Variants in ADGRB1 observed in about 807,000 individuals in gnomAD.
ADGRB1 encodes the protein brain-specific angiogenesis inhibitor 1.
A neutral mutation model predicts 175.7 loss-of-function variants in ADGRB1; 36 were observed. The ratio of observed to expected loss-of-function variants is 0.20; its 90% CI spans 0.16 to 0.27. ADGRB1 has a LOEUF of 0.27. ADGRB1 is among the 10% of genes least tolerant of loss of function. The pLI is 1.00. For synonymous variants in ADGRB1, 1,054 were observed against 979.4 expected (o/e 1.08, Z -1.42); for missense variants, 1,731 against 2,255.3 (o/e 0.77, Z 4.71).
chr8:142,469,589 A>ATG (rs202096364), intron 2 of ADGRB1, among the ~76,000 whole-genome samples: 2 of 100,462 alleles, frequency 2.0e-5, no homozygotes, highest in Admixed American at 9.4e-5. Context: ...GCATGTGTGA[A>ATG]TGTGTGTGTG....
At chr8:142,495,924 CGGGTGGGTGGATGGATAGGT>C (rs1416205484) in intron 17 of ADGRB1, among the ~76,000 whole-genome samples, 1 of 2,676 alleles carries the variant, frequency 3.7e-4, no homozygotes, top group African/African-American at 1.3e-3. Context: ...AGTGGGTGGG[CGGGTGGGTGGATGGATAGGT>C]GGGTGGGTGG....
chr8:142,459,019 C>T (rs909148346), intron 1 of ADGRB1, among the ~76,000 whole-genome samples: 34 of 152,218 alleles, frequency 2.2e-4, no homozygotes, highest in Non-Finnish European at 4.4e-4. Flanking sequence ...CCAGCGCCCA[C>T]ACTGGTCCCC....
chr8:142,513,448 GC>G (rs772492721), intron 18 of ADGRB1, among the ~76,000 whole-genome samples: 4 of 152,212 alleles, frequency 2.6e-5, no homozygotes, highest in Non-Finnish European at 2.9e-5. Context: ...GCAAGGGCTG[GC>G]CCCCTTGATG....
At chr8:142,514,108 T>C (rs1312221489) in intron 18 of ADGRB1, among the ~76,000 whole-genome samples, 1 of 151,908 alleles carries the variant, frequency 6.6e-6, no homozygotes, top group Non-Finnish European at 1.5e-5. Flanking sequence ...TTAGCCTGGC[T>C]GGGGTTGGAT....
chr8:142,526,974 C>A (rs1185017098), intron 24 of ADGRB1, among the ~76,000 whole-genome samples: 1 of 152,182 alleles, frequency 6.6e-6, no homozygotes, highest in Non-Finnish European at 1.5e-5. Flanking sequence ...GCCCCCCACT[C>A]CCCTACCACA....
At position 142,544,530 on chromosome 8, in the gene ADGRB1, G is replaced by C; in HGVS notation, c.*113G>C. The C allele has an allele frequency of 8.0e-7, 1 of 1,249,156 alleles. No individual in the cohort carries two copies. Among genetic ancestry groups the C allele is most frequent in the South Asian group, 1.8e-5 (1 of 54,928 alleles). 77.4% of individuals were successfully genotyped at this position (1,249,156 alleles called of 1,614,324 possible). ...GGGCAGCGGGCCAGGCCCGCACCCC[G>C]GCCTCAGGGCGCTCAGACGGCGGCC... On this transcript the variant is annotated 3_prime_UTR_variant, in exon 31 of 31. Coordinates refer to ENST00000517894, the MANE Select transcript of ADGRB1 (RefSeq NM_001702.3).
At chr8:142,467,326 G>A (rs754607336) in intron 2 of ADGRB1, among the ~76,000 whole-genome samples, 22 of 152,216 alleles carry the variant, frequency 1.4e-4, no homozygotes, top group Non-Finnish European at 1.6e-4. Context: ...GCTGGCAGCC[G>A]GTGCCGGCAT....
intron 24 of ADGRB1, among the ~76,000 whole-genome samples, chr8:142,527,440 C>G (rs1458356746): frequency 6.6e-6 from 1 of 152,188 alleles, no homozygotes; most frequent in East Asian, 1.9e-4. Context: ...CCTGCTGTCC[C>G]CAGTGAACAG....
Position 142,464,088 on chromosome 8 carries a change from C to T in ADGRB1, c.-111C>T. On this transcript the variant is annotated 5_prime_UTR_variant, in exon 2 of 31. Coordinates refer to ENST00000517894, the MANE Select transcript of ADGRB1 (RefSeq NM_001702.3). Reference sequence around the variant, plus strand: ...CTCTCCCATCCCACCCTTGCCCCGCCTCCCTGCCCCCACCGGGCCGGCCCT... The same window carrying T: ...CTCTCCCATCCCACCCTTGCCCCGCTTCCCTGCCCCCACCGGGCCGGCCCT... The T allele has an allele frequency of 1.2e-6, 1 of 844,542 alleles. No individual in the cohort carries two copies. Among genetic ancestry groups the T allele is most frequent in the Non-Finnish European group, 1.5e-6 (1 of 652,552 alleles). 52.3% of individuals were successfully genotyped at this position (844,542 alleles called of 1,614,324 possible).
intron 24 of ADGRB1, among the ~76,000 whole-genome samples, chr8:142,530,248 G>A (rs563737238): frequency 4.6e-5 from 7 of 152,072 alleles, no homozygotes; most frequent in African/African-American, 9.7e-5. Context: ...GTGTGTGTAC[G>A]CATGTGTGCC....
chr8:142,524,409 CCT>C, intron 23 of ADGRB1, 105 bp downstream of exon 23: 1 of 1,266,554 alleles, frequency 7.9e-7, no homozygotes, highest in Non-Finnish European at 1.1e-6. Context: ...ACCTGCTGTC[CCT>C]TCAGGATGGC....
Position 142,542,432 on chromosome 8 carries a change from A to G in ADGRB1, c.4198A>G (p.Ser1400Gly), listed in dbSNP as rs1293896663. Reference sequence around the variant, plus strand: ...CAGCCCGCCCTCCCGCCAGCCCCCCAGCGGCGGGCCCCCCGAGGCACCCCC... The same window carrying G: ...CAGCCCGCCCTCCCGCCAGCCCCCCGGCGGCGGGCCCCCCGAGGCACCCCC... ...ARSPPSRQPPSGGPPEAPPAQ... is the reference protein window; with the variant it reads ...ARSPPSRQPPGGGPPEAPPAQ... Residue 1400 changes from serine (S) to glycine (G), a missense_variant, in exon 28 of 31, where the codon AGC becomes GGC. Physicochemically the swap from Ser to Gly is moderately conservative, Grantham distance 56 (BLOSUM62 0). Around this residue, in one of 8 missense-constraint regions of ADGRB1, gnomAD observed 394 missense variants for 410.2 expected, o/e 0.96. Coordinates refer to ENST00000517894, the MANE Select transcript of ADGRB1 (RefSeq NM_001702.3). The surrounding 1 kb of genome is among the most constrained non-coding windows in gnomAD (Gnocchi z 6.3). The G allele has an allele frequency of 3.6e-6, 3 of 835,438 alleles. No homozygotes were observed. The highest frequency in any genetic ancestry group is 3.0e-6 in the Non-Finnish European group (2 of 660,342). The allele number at this position is 835,438 out of a possible 1,614,324, so 51.8% of individuals were successfully genotyped here.
At chr8:142,486,613 A>G (rs1255183438) in intron 13 of ADGRB1, among the ~76,000 whole-genome samples, 1 of 152,240 alleles carries the variant, frequency 6.6e-6, no homozygotes, top group Non-Finnish European at 1.5e-5. Flanking sequence ...TCTGGTGGAA[A>G]CCATAGCTTC....
chr8:142,513,029 G>A (rs796744701), intron 18 of ADGRB1, among the ~76,000 whole-genome samples: 41 of 152,166 alleles, frequency 2.7e-4, no homozygotes, highest in African/African-American at 8.9e-4. Flanking sequence ...CAGGCGGTTC[G>A]TGGCTGCTGT....
intron 19 of ADGRB1, among the ~76,000 whole-genome samples, chr8:142,520,247 G>GTGATGATGGTGATGTGGTAGATAGTGA (rs1843709601): frequency 6.6e-6 from 1 of 150,846 alleles, no homozygotes; most frequent in African/African-American, 2.5e-5. Flanking sequence ...GATGGTGATG[G>GTGATGATGGTGATGTGGTAGATAGTGA]TGGTGGTGAT....
intron 17 of ADGRB1, among the ~76,000 whole-genome samples, chr8:142,502,467 T>TGATTGTATGGTTTTGATGATGA (rs1842658145): frequency 3.6e-3 from 1 of 278 alleles, no homozygotes; most frequent in Non-Finnish European, 7.9e-3. Flanking sequence ...GGTGCAGTCA[T>TGATTGTATGGTTTTGATGATGA]CACTGTGGTT....
rs1385391787 is a variant in ADGRB1, at chr8:142,489,409, T to C, written c.2602T>C (p.Leu868=). Residue 868 remains leucine (L), a synonymous_variant, in exon 16 of 31, where the codon TTG becomes CTG. Coordinates refer to ENST00000517894, the MANE Select transcript of ADGRB1 (RefSeq NM_001702.3). ...CCCGCCTCGCTCCCTGCGCACACCC[T>C]TGGAGATCGAGTTTGCCCACATGTA... is the stretch of plus-strand genomic sequence containing the variant. ...KPPPRSLRTP[L]EIEFAHMYNG... is the part of the protein sequence containing the mutation. 6.2e-7 allele frequency: 1 copy of C among 1,612,962 alleles called. No individual in the cohort carries two copies. The highest frequency in any genetic ancestry group is 8.5e-7 in the Non-Finnish European group (1 of 1,179,846).
At chr8:142,498,483 C>A (rs927883278) in intron 17 of ADGRB1, among the ~76,000 whole-genome samples, 1 of 152,136 alleles carries the variant, frequency 6.6e-6, no homozygotes. Context: ...TGGGGGCGTG[C>A]AAGTCTTATA....
At chr8:142,508,274 G>C (rs892256706) in intron 17 of ADGRB1, among the ~76,000 whole-genome samples, 4 of 152,184 alleles carry the variant, frequency 2.6e-5, no homozygotes, top group African/African-American at 7.2e-5. Context: ...TGGGTCTCAG[G>C]TCCCTGCTCC....
Sources: allele counts gnomAD v4.1 joint callset (sites outside exome capture counted in the v4.1 genomes callset), GRCh38; gene constraint gnomAD v4.1.1; regional missense constraint gnomAD v4.1.1; non-coding constraint Gnocchi (gnomAD v3.1); transcripts MANE v1.5; gene names NCBI Gene and HGNC (gene_info 2026-07-23, HGNC 2026-07-21).